Variants in NEDD4L observed in about 807,000 individuals in gnomAD.
NEDD4L encodes NEDD4 like E3 ubiquitin protein ligase.
In NEDD4L, 54 loss-of-function variants were observed where a neutral mutation model predicts 148.9. That is an observed-to-expected ratio of 0.36 (90% confidence interval 0.29 to 0.45). NEDD4L has a LOEUF of 0.45. NEDD4L is among the 20% of genes least tolerant of loss of function. The pLI is 1.00. For missense variants in NEDD4L, 856 were observed against 1,233.8 expected, an observed-to-expected ratio of 0.69 and a Z score of 4.59; for synonymous variants, 433 against 440.7, an observed-to-expected ratio of 0.98 and a Z score of 0.22.
chr18:58,401,538 T>C lies in NEDD4L; in HGVS notation c.*5269T>C, dbSNP rs1346842136. 1 of 152,268 alleles carries C rather than the reference T, an allele frequency of 6.6e-6. No homozygotes were observed. The highest frequency in any genetic ancestry group is 1.5e-5 in the Non-Finnish European group (1 of 68,048). The allele number at this position is 152,268 out of a possible 1,614,324, so 9.4% of individuals were successfully genotyped here. On this transcript the variant is annotated 3_prime_UTR_variant, in exon 31 of 31. Coordinates refer to ENST00000400345, the MANE Select transcript of NEDD4L (RefSeq NM_001144967.3). The stretch of plus-strand genomic sequence containing the variant: ...GAATTATGGAAGCTGGAACATTTTC[T>C]ACATCAAGTGTTATGGGTTGTTTGA...
In NEDD4L at chr18:58,194,704, T is replaced by TA. The variant is rs890550457; in HGVS notation, c.122+28853dup. On this transcript the variant is annotated intron_variant, in intron 2 of 30. Transcript: ENST00000400345. The stretch of plus-strand genomic sequence containing the variant: ...TCCCTAATCTGTTGGAGACATTAGT[T>TA]AAAAAAAAAATGAGAGTAAAGAGGA... Among the ~76,000 whole-genome samples the TA allele has an allele frequency of 2.6e-4, 39 of 149,488 alleles. No individual in the cohort carries two copies. The East Asian group carries it at 2.7e-3, about 10-fold the overall frequency.
intron 5 of NEDD4L, among the ~76,000 whole-genome samples, chr18:58,278,497 A>G (rs1197037483): frequency 1.3e-5 from 2 of 152,208 alleles, no homozygotes; most frequent in African/African-American, 4.8e-5. Flanking sequence ...TATGGATTTT[A>G]CAGATCTTAT....
chr18:58,048,627 A>T (rs988954498), intron 1 of NEDD4L, among the ~76,000 whole-genome samples: 1 of 152,238 alleles, frequency 6.6e-6, no homozygotes, highest in African/African-American at 2.4e-5. Context: ...AAGATAATGT[A>T]AGAGAAATAA....
chr18:58,373,168 C>G lies in NEDD4L; in HGVS notation c.2257-6C>G, dbSNP rs755043638. ...GCTGAATTTTCACTCCTGTGTCATT[C>G]TGTAGGATAGTGAATATTACAACTC... On this transcript the variant is annotated splice_polypyrimidine_tract_variant and splice_region_variant and intron_variant, in intron 23 of 30. Transcript: ENST00000400345. The G allele has an allele frequency of 6.6e-7, 1 of 1,507,112 alleles. No individual in the cohort carries two copies. The highest frequency in any genetic ancestry group is 1.9e-5 in the Admixed American group (1 of 52,188). 93.4% of individuals were successfully genotyped at this position (1,507,112 alleles called of 1,614,324 possible).
intron 2 of NEDD4L, among the ~76,000 whole-genome samples, chr18:58,171,707 A>C (rs768057050): frequency 6.6e-6 from 1 of 152,074 alleles, no homozygotes; most frequent in Non-Finnish European, 1.5e-5. Flanking sequence ...CTTTTTTCTC[A>C]TTGTCATGGA....
At chr18:58,337,185 G>A (rs567588923) in intron 13 of NEDD4L, among the ~76,000 whole-genome samples, 25 of 152,156 alleles carry the variant, frequency 1.6e-4, no homozygotes, top group Non-Finnish European at 7.4e-5. Flanking sequence ...TCCCCTCCCC[G>A]TCACTGAGTT....
chr18:58,257,081 G>A (rs1184909373), intron 5 of NEDD4L, among the ~76,000 whole-genome samples: 1 of 152,094 alleles, frequency 6.6e-6, no homozygotes, highest in South Asian at 2.1e-4. Context: ...AATAAAATTT[G>A]TTACTTTAAT....
At chr18:58,250,531 C>T (rs772122234) in intron 4 of NEDD4L, among the ~76,000 whole-genome samples, 5 of 152,104 alleles carry the variant, frequency 3.3e-5, no homozygotes, top group Non-Finnish European at 5.9e-5. Flanking sequence ...GCAGTGTGAC[C>T]CTTCATAGAG....
At chr18:58,082,550 T>G (rs529632071) in intron 1 of NEDD4L, among the ~76,000 whole-genome samples, 1 of 150,874 alleles carries the variant, frequency 6.6e-6, no homozygotes, top group Admixed American at 6.6e-5. Context: ...GGCAGGTGGA[T>G]CACCTGCGGT....
At chr18:58,312,970 G>A (rs540493351) in intron 5 of NEDD4L, among the ~76,000 whole-genome samples, 1 of 152,264 alleles carries the variant, frequency 6.6e-6, no homozygotes, top group African/African-American at 2.4e-5. Context: ...GTGAGCCACC[G>A]TACCTGGCCA....
At chr18:58,106,143 G>A (rs2085059758) in intron 1 of NEDD4L, among the ~76,000 whole-genome samples, 1 of 152,192 alleles carries the variant, frequency 6.6e-6, no homozygotes. Flanking sequence ...CCCCAGCTAG[G>A]CACAAGCCCT....
intron 18 of NEDD4L, among the ~76,000 whole-genome samples, chr18:58,354,025 G>A (rs2044263930): frequency 6.6e-6 from 1 of 152,188 alleles, no homozygotes; most frequent in Non-Finnish European, 1.5e-5. Flanking sequence ...ACAATACTCA[G>A]CCATCATAAA....
chr18:58,225,254 G>C (rs967863541), intron 2 of NEDD4L, among the ~76,000 whole-genome samples: 22 of 152,318 alleles, frequency 1.4e-4, no homozygotes, highest in African/African-American at 5.1e-4. Context: ...GCCATTAAAA[G>C]TTGATCTTGA....
chr18:58,127,108 C>A (rs2031258038), intron 1 of NEDD4L, among the ~76,000 whole-genome samples: 1 of 152,224 alleles, frequency 6.6e-6, no homozygotes, highest in South Asian at 2.1e-4. Flanking sequence ...TAGCAAACCC[C>A]GTCTCCTGTC....
chr18:58,269,405 A>T (rs2050700983), intron 5 of NEDD4L, among the ~76,000 whole-genome samples: 1 of 152,022 alleles, frequency 6.6e-6, no homozygotes, highest in Non-Finnish European at 1.5e-5. Context: ...CGCAGCAAAA[A>T]GGATTAGGTA....
chr18:58,163,806 C>A (rs554269805), intron 1 of NEDD4L, among the ~76,000 whole-genome samples: 1 of 152,256 alleles, frequency 6.6e-6, no homozygotes, highest in Non-Finnish European at 1.5e-5. Context: ...GGATGTGTGT[C>A]CATTGCATGA....
intron 1 of NEDD4L, among the ~76,000 whole-genome samples, chr18:58,049,669 C>T (rs767107911): frequency 6.6e-6 from 1 of 152,056 alleles, no homozygotes; most frequent in Non-Finnish European, 1.5e-5. Flanking sequence ...ATGAATATAA[C>T]ATGTTGTTTT....
chr18:58,239,985 G>T (rs766995755), intron 2 of NEDD4L, among the ~76,000 whole-genome samples: 8 of 152,138 alleles, frequency 5.3e-5, no homozygotes, highest in African/African-American at 9.7e-5. Flanking sequence ...AAATCCGAGT[G>T]GATTTTTGAC....
At chr18:58,080,580 C>T (rs1280178673) in intron 1 of NEDD4L, among the ~76,000 whole-genome samples, 1 of 152,116 alleles carries the variant, frequency 6.6e-6, no homozygotes, top group African/African-American at 2.4e-5. Context: ...GAGAGCAGGG[C>T]CAGATGAGCG....
Sources: gnomAD v4.1 joint callset for allele counts (sites outside exome capture counted in the v4.1 genomes callset) on GRCh38, gnomAD v4.1.1 for gene constraint, MANE v1.5 for transcripts, NCBI Gene and HGNC (gene_info 2026-07-23, HGNC 2026-07-21) for gene names.